Variants in TTC3 observed in about 807,000 individuals in gnomAD.
The protein encoded by TTC3 is tetratricopeptide repeat domain 3.
A neutral mutation model predicts 249.6 loss-of-function variants in TTC3; 180 were observed. The observed-to-expected ratio is 0.72, with a 90% CI of 0.64 to 0.82. The LOEUF (loss-of-function observed/expected upper bound fraction) is 0.82. Ranked by LOEUF, TTC3 falls within the 40% of genes least tolerant of loss-of-function variation. The pLI is 0.00. For synonymous variants in TTC3, 717 were observed against 805.0 expected, an observed-to-expected ratio of 0.89 and a Z score of 1.85; for missense variants, 2,061 against 2,398.4, an observed-to-expected ratio of 0.86 and a Z score of 2.94.
chr21:37,169,162 A>T (rs1410428305), intron 34 of TTC3, among the ~76,000 whole-genome samples: 1 of 152,232 alleles, frequency 6.6e-6, no homozygotes, highest in Non-Finnish European at 1.5e-5. Flanking sequence ...GCTGTGACTA[A>T]CAAGAGGCCT....
intron 11 of TTC3, among the ~76,000 whole-genome samples, chr21:37,117,915 C>T (rs138591549): frequency 2.9e-4 from 43 of 150,538 alleles, no homozygotes; most frequent in African/African-American, 1.0e-3. Context: ...TTGTTCCTGG[C>T]TTAGTTTCTT....
chr21:37,173,047 C>G (rs2081945706), intron 35 of TTC3, among the ~76,000 whole-genome samples: 1 of 152,078 alleles, frequency 6.6e-6, no homozygotes, highest in Admixed American at 6.6e-5. Flanking sequence ...GAGGTAAATT[C>G]TTGTTTATAT....
chr21:37,087,163 TAATATACCA>T, intron 1 of TTC3, 75 bp from the exon 2 acceptor site: 1 of 1,471,178 alleles, frequency 6.8e-7, no homozygotes, highest in Non-Finnish European at 9.2e-7. Flanking sequence ...AGTATTTTTC[TAATATACCA>T]TAGAAGCCAG....
At chr21:37,146,044 A>AT (rs1375607226) in intron 21 of TTC3, among the ~76,000 whole-genome samples, 1 of 152,256 alleles carries the variant, frequency 6.6e-6, no homozygotes, top group Non-Finnish European at 1.5e-5. Flanking sequence ...AAAGGAAAAC[A>AT]TGTTCTCACA....
At chr21:37,161,296 G>A (rs2080720075) in intron 30 of TTC3, among the ~76,000 whole-genome samples, 1 of 152,118 alleles carries the variant, frequency 6.6e-6, no homozygotes, top group South Asian at 2.1e-4. Context: ...TTATTTTTGA[G>A]ACAGGGTCTC....
intron 28 of TTC3, among the ~76,000 whole-genome samples, chr21:37,159,348 C>G (rs1689082476): frequency 6.6e-6 from 1 of 152,196 alleles, no homozygotes; most frequent in South Asian, 2.1e-4. Flanking sequence ...TGGTCCTTAG[C>G]ACGCTGGGTT....
chr21:37,163,091 A>G (rs2080919631), intron 31 of TTC3, among the ~76,000 whole-genome samples: 1 of 152,212 alleles, frequency 6.6e-6, no homozygotes, highest in Non-Finnish European at 1.5e-5. Context: ...GCCTTTACTG[A>G]GATTAATTCT....
intron 16 of TTC3, 75 bp from the exon 17 acceptor site, chr21:37,132,607 C>G (rs2077567761): frequency 8.5e-7 from 1 of 1,173,968 alleles, no homozygotes; most frequent in African/African-American, 1.6e-5. Flanking sequence ...GCCACTGTGC[C>G]TGGCCCTATT....
At chr21:37,088,692 A>G in intron 4 of TTC3, 107 bp from the exon 5 acceptor site, 1 of 1,051,958 alleles carries the variant, frequency 9.5e-7, no homozygotes, top group Non-Finnish European at 1.4e-6. Context: ...GAGTGAAGAA[A>G]AAGAGAACTT....
chr21:37,156,657 T>C, exon 28 of TTC3: 1 of 1,610,000 alleles, frequency 6.2e-7, no homozygotes. Context: ...TATTACAGGC[T>C]TAGATGCCAC....
At chr21:37,151,008 GTT>G in intron 25 of TTC3, 124 bp downstream of exon 25, 1 of 570,960 alleles carries the variant, frequency 1.8e-6, no homozygotes, top group Non-Finnish European at 3.0e-6. Context: ...TCAAATAAGT[GTT>G]TTTTAAAATG....
At chr21:37,167,074 AAAT>A (rs2081314591) in intron 33 of TTC3, among the ~76,000 whole-genome samples, 1 of 152,162 alleles carries the variant, frequency 6.6e-6, no homozygotes, top group Admixed American at 6.5e-5. Context: ...GAGGAAGGGA[AAAT>A]GTGCTGGCAG....
At chr21:37,142,231 G>C (rs2078541845) in intron 20 of TTC3, among the ~76,000 whole-genome samples, 1 of 152,216 alleles carries the variant, frequency 6.6e-6, no homozygotes, top group Admixed American at 6.5e-5. Context: ...ATTCAACATA[G>C]TGTCGGAAGT....
At chr21:37,168,607 A>T (rs1190102884) in intron 34 of TTC3, among the ~76,000 whole-genome samples, 1 of 152,228 alleles carries the variant, frequency 6.6e-6, no homozygotes. Context: ...GGATAAGAAC[A>T]CATATTATGA....
intron 5 of TTC3, among the ~76,000 whole-genome samples, chr21:37,089,942 G>A (rs1165069936): frequency 3.3e-5 from 5 of 151,044 alleles, no homozygotes. Flanking sequence ...CTGAGACTGC[G>A]CCACTGCACT....
intron 35 of TTC3, among the ~76,000 whole-genome samples, chr21:37,179,236 A>G (rs1280563034): frequency 6.6e-6 from 1 of 152,222 alleles, no homozygotes; most frequent in Non-Finnish European, 1.5e-5. Flanking sequence ...GCAATGAGCC[A>G]TGATCTTGCC....
intron 35 of TTC3, among the ~76,000 whole-genome samples, chr21:37,177,727 G>T (rs1476506077): frequency 6.6e-6 from 1 of 152,152 alleles, no homozygotes; most frequent in Non-Finnish European, 1.5e-5. Flanking sequence ...AGTTGTTGAT[G>T]GCAACCTCAG....
exon 36 of TTC3, chr21:37,182,894 G>A (rs774285795): frequency 3.8e-6 from 6 of 1,572,930 alleles, no homozygotes; most frequent in South Asian, 2.4e-5. Context: ...AATTAAAAAG[G>A]TTTCAAATGC....
intron 28 of TTC3, chr21:37,159,453 G>C (rs2080465119): frequency 8.4e-6 from 4 of 477,096 alleles, no homozygotes; most frequent in Admixed American, 4.0e-5. Context: ...GACTAGCATA[G>C]ATGGTACCTA....
Sources: gnomAD v4.1 joint callset for allele counts (sites outside exome capture counted in the v4.1 genomes callset) on GRCh38, gnomAD v4.1.1 for gene constraint, MANE v1.5 for transcripts, NCBI Gene and HGNC (gene_info 2026-07-23, HGNC 2026-07-21) for gene names.